GLIS2: variants seen among roughly 807,000 people sequenced by gnomAD.
GLIS2 encodes the protein zinc finger protein GLIS2.
Under a neutral mutation model 35.6 loss-of-function variants are expected in GLIS2, and 14 were observed. That is an observed-to-expected ratio of 0.39 (90% confidence interval 0.26 to 0.61). The LOEUF (loss-of-function observed/expected upper bound fraction) is 0.61. Ranked by LOEUF, GLIS2 falls within the 20% of genes least tolerant of loss-of-function variation. GLIS2 has a pLI of 0.48. For synonymous variants in GLIS2, 368 were observed against 325.1 expected (o/e 1.13, Z -1.42); for missense variants, 675 against 713.4 (o/e 0.95, Z 0.61).
At chr16:4,322,683 G>A (rs968235328) in intron 1 of GLIS2, among the ~76,000 whole-genome samples, 1 of 150,228 alleles carries the variant, frequency 6.7e-6, no homozygotes, top group African/African-American at 2.5e-5. Flanking sequence ...GGTCCGGTTC[G>A]ATCTAGCAGG....
chr16:4,332,019 G>T lies in GLIS2; in HGVS notation c.-66-196G>T, dbSNP rs2053501314. On this transcript the variant is annotated intron_variant, in intron 1 of 6. Coordinates refer to ENST00000433375, the MANE Select transcript of GLIS2 (RefSeq NM_032575.3). The surrounding 1 kb of genome is among the most constrained non-coding windows in gnomAD (Gnocchi z 5.4). ...GTCTTCCCCAAGAGACTCATGGGAA[G>T]CAGATGCGGAATCTCTGAGGAGGCT... Among the ~76,000 whole-genome samples the T allele has an allele frequency of 6.6e-6, 1 of 152,220 alleles. No individual in the cohort carries two copies. The highest frequency in any genetic ancestry group is 2.4e-5 in the African/African-American group (1 of 41,448).
intron 1 of GLIS2, among the ~76,000 whole-genome samples, chr16:4,330,728 G>A (rs2053489329): frequency 6.6e-6 from 1 of 152,268 alleles, no homozygotes; most frequent in Admixed American, 6.5e-5. Flanking sequence ...AGAAAAGGCT[G>A]TTAGGACACG....
chr16:4,318,692 C>T (rs887131531), intron 1 of GLIS2, among the ~76,000 whole-genome samples: 7 of 152,348 alleles, frequency 4.6e-5, no homozygotes, highest in African/African-American at 1.4e-4. Flanking sequence ...CCCCCACTCT[C>T]CCCTCCACCC....
chr16:4,338,336 G>A lies in GLIS2; in HGVS notation c.*812G>A, dbSNP rs2053583162. 6.6e-6 allele frequency: 1 copy of A among 152,402 alleles called. No homozygotes were observed. The highest frequency in any genetic ancestry group is 1.5e-5 in the Non-Finnish European group (1 of 68,184). The allele number at this position is 152,402 out of a possible 1,614,324, so 9.4% of individuals were successfully genotyped here. A position where few individuals can be genotyped will look rare whatever the true frequency, so the allele number is the denominator to read the frequency against. On this transcript the variant is annotated 3_prime_UTR_variant, in exon 7 of 7. Coordinates refer to ENST00000433375, the MANE Select transcript of GLIS2 (RefSeq NM_032575.3). ...GCCAGCTGTGGTGCCAAGATACTGA[G>A]TGACCTGGGCCCTGGCTCAGGGAGC...
At chr16:4,328,729 T>A (rs2053464768) in intron 1 of GLIS2, among the ~76,000 whole-genome samples, 1 of 152,152 alleles carries the variant, frequency 6.6e-6, no homozygotes, top group African/African-American at 2.4e-5. Context: ...GTCCTCCCTC[T>A]GGCTTTGGGC....
intron 1 of GLIS2, chr16:4,325,175 C>T (rs754860110): frequency 2.6e-5 from 4 of 152,392 alleles, no homozygotes; most frequent in African/African-American, 9.6e-5. Context: ...TCTGCTATCC[C>T]TCCTAGCCCC....
At chr16:4,336,644 G>A (rs764963799) in intron 6 of GLIS2, 81 bp from the exon 7 acceptor site, 61 of 1,388,476 alleles carry the variant, frequency 4.4e-5, no homozygotes, top group Non-Finnish European at 5.5e-5. Context: ...TGCTTGGCCC[G>A]GGGAAATGTT....
chr16:4,327,505 G>A (rs940334432), intron 1 of GLIS2, among the ~76,000 whole-genome samples: 1 of 152,222 alleles, frequency 6.6e-6, no homozygotes, highest in Admixed American at 6.5e-5. Flanking sequence ...TGGGGACAGT[G>A]GCCGGCCCCG....
At chr16:4,334,012 A>C (rs971920897) in intron 3 of GLIS2, among the ~76,000 whole-genome samples, 1 of 152,072 alleles carries the variant, frequency 6.6e-6, no homozygotes, top group African/African-American at 2.4e-5. Flanking sequence ...CCCGGATCTC[A>C]GCTCACTGCA....
chr16:4,337,290 G>T lies in GLIS2; in HGVS notation c.1341G>T (p.Gly447=). The T allele has an allele frequency of 6.4e-7, 1 of 1,554,070 alleles. No individual in the cohort carries two copies. Among genetic ancestry groups the T allele is most frequent in the Non-Finnish European group, 8.7e-7 (1 of 1,150,566 alleles). ...GTGGCAAGGCCGAGGGGGAGAAGGG[G>T]CGTGGGTCGGTGCCCACCAGGGCCC... is the stretch of plus-strand genomic sequence containing the variant. The part of the protein sequence containing the change: ...AAGGKAEGEK[G]RGSVPTRALG... Residue 447 remains glycine (G), a synonymous_variant, in exon 7 of 7, where the codon GGG becomes GGT. Coordinates refer to ENST00000433375, the MANE Select transcript of GLIS2 (RefSeq NM_032575.3).
rs2053363883 is a variant in GLIS2, at chr16:4,320,214, C to T, written c.-67+3960C>T. 6.6e-6 allele frequency among the ~76,000 whole-genome samples: 1 copy of T among 152,248 alleles called. No individual in the cohort carries two copies. Among genetic ancestry groups the T allele is most frequent in the South Asian group, 2.1e-4 (1 of 4,828 alleles). On this transcript the variant is annotated intron_variant, in intron 1 of 6. Coordinates refer to ENST00000433375, the MANE Select transcript of GLIS2 (RefSeq NM_032575.3). This position sits in a 1 kb window ranked among gnomAD's most constrained non-coding sequence, Gnocchi z 5.6. The stretch of plus-strand genomic sequence containing the variant: ...GGAAGGGACGGAGACCCAGCCCTGG[C>T]CCCTTCCTCCAGTCATGGCCAAGGG...
At position 4,334,837 on chromosome 16, in the gene GLIS2, A is replaced by C. The variant is rs1205053910; in HGVS notation, c.382A>C (p.Ser128Arg). The change falls in exon 4 of 7, where the codon AGC becomes CGC. Residue 128 changes from serine to arginine, a missense_variant. Ser to Arg is a moderately radical substitution (Grantham distance 110). This residue lies in a region of GLIS2 where 225 missense variants were observed against 238.7 expected (regional missense o/e 0.94). Transcript: ENST00000433375. ...ACTGCGCTATTTGGATGGTGTCCCC[A>C]GCTCCTTCCAGTTCTTCCTGCCCCT... ...QPLRYLDGVP[S>R]SFQFFLPLGS... is the part of the protein sequence containing the mutation. 6.2e-7 allele frequency: 1 copy of C among 1,613,388 alleles called. No homozygotes were observed. The highest frequency in any genetic ancestry group is 8.5e-7 in the Non-Finnish European group (1 of 1,179,982).
In GLIS2 at chr16:4,337,644, C is replaced by T; in HGVS notation, c.*120C>T. ...ACTGCCCGGGCAGCCCCAGCCCAGC[C>T]CGCCGGGAGCAAGGATGGTGCTAGG... On this transcript the variant is annotated 3_prime_UTR_variant, in exon 7 of 7. Transcript: ENST00000433375. 7.1e-7 allele frequency: 1 copy of T among 1,416,534 alleles called. No individual in the cohort carries two copies. The highest frequency in any genetic ancestry group is 2.5e-5 in the East Asian group (1 of 40,286). 87.7% of individuals were successfully genotyped at this position (1,416,534 alleles called of 1,614,324 possible).
At chr16:4,317,641 T>C (rs1309827683) in intron 1 of GLIS2, among the ~76,000 whole-genome samples, 4 of 151,924 alleles carry the variant, frequency 2.6e-5, no homozygotes, top group Non-Finnish European at 5.9e-5. Context: ...CTGGGCCTCC[T>C]AGCTGGCCTG....
Position 4,336,768 on chromosome 16 carries a change from C to G in GLIS2, c.819C>G (p.Arg273=). 6.2e-7 allele frequency: 1 copy of G among 1,611,522 alleles called. No homozygotes were observed. The highest frequency in any genetic ancestry group is 8.5e-7 in the Non-Finnish European group (1 of 1,179,332). The change falls in exon 7 of 7, where the codon CGC becomes CGG. Residue 273 remains arginine, a synonymous_variant. Transcript: ENST00000433375. ...GCCCCTACGAGGGCTGCAACAAGCGCTATTCCAACTCCAGTGACCGCTTTA... is the reference window on the plus strand; with the variant it reads ...GCCCCTACGAGGGCTGCAACAAGCGGTATTCCAACTCCAGTGACCGCTTTA... ...YVCPYEGCNK[R]YSNSSDRFKH...
intron 1 of GLIS2, among the ~76,000 whole-genome samples, chr16:4,318,920 T>C (rs751155624): frequency 2.0e-4 from 31 of 152,178 alleles, no homozygotes; most frequent in Non-Finnish European, 4.1e-4. Context: ...GGGCAATCTC[T>C]GGATGAGGGA....
chr16:4,327,207 AT>A (rs2053441233), intron 1 of GLIS2, among the ~76,000 whole-genome samples: 1 of 152,174 alleles, frequency 6.6e-6, no homozygotes, highest in Non-Finnish European at 1.5e-5. Flanking sequence ...AAGGAGCTTT[AT>A]TCAGAGCAGG....
At chr16:4,317,724 C>T (rs908468099) in intron 1 of GLIS2, among the ~76,000 whole-genome samples, 4 of 152,104 alleles carry the variant, frequency 2.6e-5, no homozygotes, top group African/African-American at 9.7e-5. Flanking sequence ...CAGCCTGGCC[C>T]ATTTCACTGC....
At chr16:4,319,609 G>A (rs910440731) in intron 1 of GLIS2, among the ~76,000 whole-genome samples, 23 of 152,204 alleles carry the variant, frequency 1.5e-4, no homozygotes, top group South Asian at 2.1e-4. Context: ...TGAGGTGGCC[G>A]CCTCCGCCCC....
Sources: allele counts gnomAD v4.1 joint callset (sites outside exome capture counted in the v4.1 genomes callset), GRCh38; gene constraint gnomAD v4.1.1; regional missense constraint gnomAD v4.1.1; non-coding constraint Gnocchi (gnomAD v3.1); transcripts MANE v1.5; gene names NCBI Gene and HGNC (gene_info 2026-07-23, HGNC 2026-07-21).